The following BMP1 variants were observed in gnomAD, a reference collection of about 807,000 sequenced individuals.
BMP1 encodes the protein mammalian tolloid protein.
Under a neutral mutation model 116.8 loss-of-function variants are expected in BMP1, and 63 were observed. That is an observed-to-expected ratio of 0.54 (90% CI 0.44 to 0.67). BMP1 has a LOEUF of 0.67. Ranked by LOEUF, BMP1 falls within the 30% of genes least tolerant of loss-of-function variation. BMP1 has a pLI of 0.00. For missense variants in BMP1, 1,183 were observed against 1,358.9 expected (o/e 0.87, Z 2.04); for synonymous variants, 536 against 533.4 (o/e 1.00, Z -0.07).
Position 22,211,807 on chromosome 8 carries a change from C to T in BMP1, c.*79C>T. 6.2e-7 allele frequency: 1 copy of T among 1,600,048 alleles called. No individual in the cohort carries two copies. Among genetic ancestry groups the T allele is most frequent in the Non-Finnish European group, 8.5e-7 (1 of 1,172,324 alleles). ...CTGGATAGTGGGGGTGGGCGGAAGG[C>T]AACGCACCATCCCTCTCCCCCAGGC... is the stretch of plus-strand genomic sequence containing the variant. On this transcript the variant is annotated 3_prime_UTR_variant, in exon 20 of 20. Transcript: ENST00000306385.
intron 4 of BMP1, 102 bp from the exon 5 acceptor site, chr8:22,176,859 T>C (rs1356574879): frequency 2.8e-6 from 3 of 1,055,488 alleles, no homozygotes; most frequent in African/African-American, 3.2e-5. Flanking sequence ...ACCCCTCCCC[T>C]TCGCTCCCCT....
At chr8:22,165,836 G>A (rs1320643530) in intron 1 of BMP1, among the ~76,000 whole-genome samples, 1 of 151,364 alleles carries the variant, frequency 6.6e-6, no homozygotes, top group Non-Finnish European at 1.5e-5. Flanking sequence ...GGGCAAGGCG[G>A]CTTTTCCTTC....
intron 8 of BMP1, among the ~76,000 whole-genome samples, chr8:22,183,686 A>T (rs1308035160): frequency 6.6e-6 from 1 of 151,804 alleles, no homozygotes; most frequent in Non-Finnish European, 1.5e-5. Flanking sequence ...AGCTCACCGC[A>T]ACCTCCTCAG....
At chr8:22,180,174 G>A (rs1828572621) in intron 7 of BMP1, among the ~76,000 whole-genome samples, 194 bp from the exon 8 acceptor site, 2 of 152,106 alleles carry the variant, frequency 1.3e-5, no homozygotes, top group African/African-American at 4.8e-5. Context: ...GCACTGGGCT[G>A]GGAGGTAGGA....
intron 5 of BMP1, chr8:22,177,501 G>C: frequency 2.8e-6 from 2 of 709,208 alleles, no homozygotes; most frequent in Non-Finnish European, 5.2e-6. Flanking sequence ...TCTGCCCTCC[G>C]AGGGCTTTTC....
chr8:22,166,268 G>T (rs1828106859), intron 1 of BMP1, among the ~76,000 whole-genome samples: 1 of 152,036 alleles, frequency 6.6e-6, no homozygotes, highest in South Asian at 2.1e-4. Context: ...GGGGTGGAAA[G>T]AGGGAAAATA....
intron 16 of BMP1, among the ~76,000 whole-genome samples, chr8:22,204,114 C>T (rs547101650): frequency 5.9e-5 from 9 of 152,156 alleles, no homozygotes; most frequent in African/African-American, 7.2e-5. Context: ...TCTGTTCCCA[C>T]GGAGATTGCA....
In BMP1 at chr8:22,212,130, G is replaced by A. The variant is rs1203051414; in HGVS notation, c.*402G>A. The A allele has an allele frequency of 1.6e-5, 3 of 186,044 alleles. No homozygotes were observed. Among genetic ancestry groups the A allele is most frequent in the Non-Finnish European group, 3.4e-5 (3 of 87,252 alleles). The allele number at this position is 186,044 out of a possible 1,614,324, so 11.5% of individuals were successfully genotyped here. A position where few individuals can be genotyped will look rare whatever the true frequency, so the allele number is the denominator to read the frequency against. ...CATTTCCCACCCCTGCTCCAGCCTCGATTTGGTTTTATTTTGAGCCCCCAT... is the reference window on the plus strand; with the variant it reads ...CATTTCCCACCCCTGCTCCAGCCTCAATTTGGTTTTATTTTGAGCCCCCAT... On this transcript the variant is annotated 3_prime_UTR_variant, in exon 20 of 20. Transcript: ENST00000306385.
In BMP1 at chr8:22,208,288, C is replaced by T. The variant is rs1175018351; in HGVS notation, c.2575+772C>T. 1.1e-4 allele frequency among the ~76,000 whole-genome samples: 16 copies of T among 152,352 alleles called. No homozygotes were observed. The East Asian group carries it at 2.5e-3, about 24-fold the overall frequency. ...GATCCCAGCCCTTGAGGGGCTTGCT[C>T]GGCTTTCACTTGCTTGTTTATTTAG... is the stretch of plus-strand genomic sequence containing the variant. On this transcript the variant is annotated intron_variant, in intron 18 of 19. Coordinates refer to ENST00000306385, the MANE Select transcript of BMP1 (RefSeq NM_006129.5).
Position 22,211,653 on chromosome 8 carries a change from C to T in BMP1, c.2886C>T (p.Asp962=). The T allele has an allele frequency of 6.2e-7, 1 of 1,614,206 alleles. No individual in the cohort carries two copies. The highest frequency in any genetic ancestry group is 8.5e-7 in the Non-Finnish European group (1 of 1,180,024). ...TCCTGGTGAAGTTCCACTCGGATGA[C>T]ACCATCACCAAAAAAGGTTTCCACC... ...DSVLVKFHSD[D]TITKKGFHLR... Residue 962 remains aspartate, a synonymous_variant, in exon 20 of 20, where the codon GAC becomes GAT. Coordinates refer to ENST00000306385, the MANE Select transcript of BMP1 (RefSeq NM_006129.5).
chr8:22,199,157 A>T, intron 15 of BMP1: 1 of 1,366,952 alleles, frequency 7.3e-7, no homozygotes, highest in South Asian at 1.1e-5. Context: ...ACGCACACAC[A>T]TGTGCACACA....
chr8:22,165,597 C>G, intron 1 of BMP1, 44 bp downstream of exon 1: 3 of 1,515,232 alleles, frequency 2.0e-6, no homozygotes, highest in Non-Finnish European at 2.6e-6. Context: ...GGCGGGGAGG[C>G]GCGGGCGGGT....
intron 8 of BMP1, among the ~76,000 whole-genome samples, chr8:22,185,278 C>G (rs1369151359): frequency 6.6e-6 from 1 of 151,854 alleles, no homozygotes; most frequent in African/African-American, 2.4e-5. Context: ...GTGGTGAAAC[C>G]CTGTTTCTAC....
chr8:22,168,082 C>T (rs748482948), intron 1 of BMP1, among the ~76,000 whole-genome samples: 1 of 152,256 alleles, frequency 6.6e-6, no homozygotes, highest in East Asian at 1.9e-4. Flanking sequence ...AGGGTAGCCA[C>T]GCCCCTTCGT....
intron 16 of BMP1, among the ~76,000 whole-genome samples, chr8:22,204,733 G>T (rs192987475): frequency 0.03 from 1,898 of 62,280 alleles, 30 homozygotes; most frequent in African/African-American, 0.091. Flanking sequence ...CCCCCACCCC[G>T]CCCGCCCCCG....
At position 22,179,180 on chromosome 8, in the gene BMP1, C is replaced by A. The variant is rs1306513349; in HGVS notation, c.837-525C>A. ...ACTGATAGATTGGGAGCTGGTGGGG[C>A]TGTCCCCGGGGCTTGGTCTGGCTGC... On this transcript the variant is annotated intron_variant, in intron 6 of 19. Coordinates refer to ENST00000306385, the MANE Select transcript of BMP1 (RefSeq NM_006129.5). This position sits in a 1 kb window ranked among gnomAD's most constrained non-coding sequence, Gnocchi z 4.6. Among the ~76,000 whole-genome samples the A allele has an allele frequency of 6.6e-6, 1 of 152,232 alleles. No individual in the cohort carries two copies. The highest frequency in any genetic ancestry group is 1.5e-5 in the Non-Finnish European group (1 of 68,038).
At chr8:22,168,603 TC>T (rs1220615041) in intron 1 of BMP1, among the ~76,000 whole-genome samples, 1 of 151,896 alleles carries the variant, frequency 6.6e-6, no homozygotes, top group African/African-American at 2.4e-5. Context: ...CCAGCCCACA[TC>T]CCCATCCCAC....
At chr8:22,168,131 G>A (rs7812993) in intron 1 of BMP1, among the ~76,000 whole-genome samples, 113,010 of 151,946 alleles carry the variant, frequency 0.74, 42,139 homozygotes, top group Admixed American at 0.79. Flanking sequence ...CCGTTGTAGT[G>A]AGGGCAAAAT....
At chr8:22,178,632 AC>A (rs767175228) in intron 6 of BMP1, among the ~76,000 whole-genome samples, 2 of 151,690 alleles carry the variant, frequency 1.3e-5, no homozygotes, top group Non-Finnish European at 2.9e-5. Flanking sequence ...ACGAAGCCTG[AC>A]CCCTGCCCTG....
Sources: gnomAD v4.1 joint callset for allele counts (sites outside exome capture counted in the v4.1 genomes callset) on GRCh38, gnomAD v4.1.1 for gene constraint, Gnocchi (gnomAD v3.1) non-coding constraint, MANE v1.5 for transcripts, NCBI Gene and HGNC (gene_info 2026-07-23, HGNC 2026-07-21) for gene names.